Variants in COG5 observed in about 807,000 individuals in gnomAD.
The protein encoded by COG5 is conserved oligomeric Golgi complex subunit 5.
COG5 carries 86 observed loss-of-function variants against 110.4 expected under a neutral mutation model. The observed-to-expected ratio is 0.78, with a 90% CI of 0.65 to 0.93. The LOEUF is 0.93. Ranked by LOEUF, COG5 falls within the 40% of genes least tolerant of loss-of-function variation. The pLI is 0.00. For synonymous variants in COG5, 360 were observed against 334.6 expected, an observed-to-expected ratio of 1.08 and a Z score of -0.83; for missense variants, 1,077 against 987.0, an observed-to-expected ratio of 1.09 and a Z score of -1.22.
At chr7:107,552,112 TA>T (rs1159746526) in intron 3 of COG5, among the ~76,000 whole-genome samples, 1 of 152,182 alleles carries the variant, frequency 6.6e-6, no homozygotes, top group Admixed American at 6.5e-5. Context: ...CTAAAACACA[TA>T]TTTAAAAACC....
intron 6 of COG5, among the ~76,000 whole-genome samples, chr7:107,499,785 T>C (rs757083604): frequency 9.9e-5 from 15 of 152,118 alleles, no homozygotes; most frequent in Non-Finnish European, 1.9e-4. Flanking sequence ...AGGCGAATAG[T>C]GTATCTCAAT....
At chr7:107,239,513 G>C (rs1801454111) in intron 17 of COG5, among the ~76,000 whole-genome samples, 1 of 152,178 alleles carries the variant, frequency 6.6e-6, no homozygotes, top group Non-Finnish European at 1.5e-5. Flanking sequence ...TTTTGGTAGA[G>C]ATTGCATTAA....
intron 10 of COG5, among the ~76,000 whole-genome samples, chr7:107,342,368 CAA>C (rs796981383): frequency 7.2e-5 from 7 of 97,760 alleles, no homozygotes; most frequent in Middle Eastern, 6.5e-3. Context: ...ACAAACAAAC[CAA>C]AAAAAAAAAA....
chr7:107,294,201 TAATTA>T (rs923544789), intron 12 of COG5, among the ~76,000 whole-genome samples: 3 of 152,234 alleles, frequency 2.0e-5, no homozygotes, highest in African/African-American at 7.2e-5. Flanking sequence ...AGAAAAATAT[TAATTA>T]AATACAATGC....
At chr7:107,399,183 C>T (rs543829600) in intron 7 of COG5, among the ~76,000 whole-genome samples, 1 of 151,724 alleles carries the variant, frequency 6.6e-6, no homozygotes, top group Non-Finnish European at 1.5e-5. Context: ...ACCTGGGTGA[C>T]AGAGCGAGAC....
rs1056302115 is a variant in COG5 at position 107,207,856 on chromosome 7, T to C, written c.2375+2670A>G. The C allele has an allele frequency of 5.1e-6, 5 of 985,338 alleles. No individual in the cohort carries two copies. The South Asian group carries it at 2.3e-4, about 46-fold the overall frequency. 61.0% of individuals were successfully genotyped at this position (985,338 alleles called of 1,614,324 possible). ...AAAACAGGAAGGCAGGATGGTTCACTATTTCCCATTTATTCAGCAGCAGTA... is the reference window on the plus strand; with the variant it reads ...AAAACAGGAAGGCAGGATGGTTCACCATTTCCCATTTATTCAGCAGCAGTA... On this transcript the variant is annotated intron_variant, in intron 21 of 21. Coordinates refer to ENST00000297135, the MANE Select transcript of COG5 (RefSeq NM_006348.5).
In COG5 at chr7:107,532,096, G is replaced by A. The variant is rs536518566; in HGVS notation, c.418-4739C>T. On this transcript the variant is annotated intron_variant, in intron 5 of 21. Coordinates refer to ENST00000297135, the MANE Select transcript of COG5 (RefSeq NM_006348.5). ...TTTTTGAGACGGTTTCGCTTTTGTCGCCCAGGCTAGAGTACAATGGCACAA... is the reference window on the plus strand; with the variant it reads ...TTTTTGAGACGGTTTCGCTTTTGTCACCCAGGCTAGAGTACAATGGCACAA... 9.2e-5 allele frequency among the ~76,000 whole-genome samples: 14 copies of A among 152,036 alleles called. No homozygotes were observed. The East Asian group carries it at 1.2e-3, about 13-fold the overall frequency.
chr7:107,407,250 C>T (rs2129063837), intron 7 of COG5, among the ~76,000 whole-genome samples: 1 of 152,190 alleles, frequency 6.6e-6, no homozygotes, highest in East Asian at 1.9e-4. Context: ...GGTGTGGTGG[C>T]ACGTGCCTGT....
At chr7:107,345,989 T>C (rs1274185142) in intron 10 of COG5, among the ~76,000 whole-genome samples, 1 of 152,224 alleles carries the variant, frequency 6.6e-6, no homozygotes, top group East Asian at 1.9e-4. Context: ...ATAATACTCA[T>C]GCATTAATTA....
chr7:107,273,421 G>A (rs2116735581), intron 14 of COG5, among the ~76,000 whole-genome samples: 1 of 152,208 alleles, frequency 6.6e-6, no homozygotes. Context: ...ATTTCAAATA[G>A]TGTAATTTTT....
At chr7:107,402,394 C>G (rs1791501811) in intron 7 of COG5, among the ~76,000 whole-genome samples, 1 of 152,196 alleles carries the variant, frequency 6.6e-6, no homozygotes, top group Non-Finnish European at 1.5e-5. Flanking sequence ...CATTATCTTC[C>G]TCCACCTTGA....
intron 6 of COG5, among the ~76,000 whole-genome samples, chr7:107,491,976 T>C (rs193049010): frequency 3.9e-5 from 6 of 152,214 alleles, no homozygotes; most frequent in Admixed American, 2.6e-4. Context: ...CATAAACAGA[T>C]GGACACATAT....
At chr7:107,287,967 G>C (rs1425981012) in intron 12 of COG5, among the ~76,000 whole-genome samples, 2 of 152,276 alleles carry the variant, frequency 1.3e-5, no homozygotes, top group African/African-American at 4.8e-5. Flanking sequence ...GAATAATGCT[G>C]CTACAAACAT....
At chr7:107,547,268 A>C (rs1802520182) in intron 5 of COG5, among the ~76,000 whole-genome samples, 1 of 152,178 alleles carries the variant, frequency 6.6e-6, no homozygotes, top group African/African-American at 2.4e-5. Context: ...TGAAAGACAA[A>C]AATCATATGA....
chr7:107,544,273 A>G (rs1293947712), intron 5 of COG5, among the ~76,000 whole-genome samples: 1 of 152,128 alleles, frequency 6.6e-6, no homozygotes, highest in East Asian at 1.9e-4. Flanking sequence ...CTCCAGGCCC[A>G]TCCCCAAGGT....
chr7:107,539,196 A>G (rs1361441137), intron 5 of COG5, among the ~76,000 whole-genome samples: 1 of 152,182 alleles, frequency 6.6e-6, no homozygotes, highest in Non-Finnish European at 1.5e-5. Context: ...GCTGCACTCC[A>G]GCCTGGATGA....
intron 8 of COG5, among the ~76,000 whole-genome samples, chr7:107,363,909 C>A (rs549183922): frequency 3.7e-4 from 56 of 150,810 alleles, no homozygotes; most frequent in Non-Finnish European, 7.8e-4. Context: ...GAGCCGAGAT[C>A]GTACCATTGC....
intron 10 of COG5, among the ~76,000 whole-genome samples, chr7:107,342,215 T>C (rs1811219971): frequency 6.6e-6 from 1 of 151,736 alleles, no homozygotes; most frequent in Admixed American, 6.6e-5. Context: ...ACAAAAGACA[T>C]GAACAGGTAC....
At chr7:107,500,461 C>G (rs2250410) in intron 6 of COG5, among the ~76,000 whole-genome samples, 67,380 of 151,906 alleles carry the variant, frequency 0.44, 15,071 homozygotes, top group East Asian at 0.47. Context: ...ATGCCTTCTT[C>G]ATGTGCCCAC....
Sources: gnomAD v4.1 joint callset for allele counts (sites outside exome capture counted in the v4.1 genomes callset) on GRCh38, gnomAD v4.1.1 for gene constraint, MANE v1.5 for transcripts, NCBI Gene and HGNC (gene_info 2026-07-23, HGNC 2026-07-21) for gene names.